Variants in GRK5 observed in about 807,000 individuals in gnomAD.
GRK5 encodes the protein g protein-coupled receptor kinase GRK5.
Under a neutral mutation model 78.4 loss-of-function variants are expected in GRK5, and 40 were observed. The observed-to-expected ratio is 0.51, with a 90% CI of 0.40 to 0.66. GRK5 has a LOEUF of 0.66. GRK5 is among the 30% of genes least tolerant of loss of function. The pLI is 0.00. For synonymous variants in GRK5, 289 were observed against 296.8 expected (o/e 0.97, Z 0.27); for missense variants, 598 against 759.9 (o/e 0.79, Z 2.50).
At chr10:119,381,776 C>CCG (rs1402876151) in intron 3 of GRK5, among the ~76,000 whole-genome samples, 1 of 152,252 alleles carries the variant, frequency 6.6e-6, no homozygotes, top group Middle Eastern at 3.4e-3. Flanking sequence ...GGTGCAGGGG[C>CCG]CGAGAGGCTG....
chr10:119,450,006 T>C (rs1395328276), intron 13 of GRK5, among the ~76,000 whole-genome samples: 3 of 152,212 alleles, frequency 2.0e-5, no homozygotes, highest in Admixed American at 2.0e-4. Context: ...CAGCTGATTC[T>C]AGCGTAGAGC....
chr10:119,404,505 T>C (rs1430017581), intron 4 of GRK5, among the ~76,000 whole-genome samples: 2 of 152,264 alleles, frequency 1.3e-5, no homozygotes, highest in East Asian at 3.8e-4. Flanking sequence ...TCACAAAGGT[T>C]TTTCGTTTTG....
chr10:119,455,642 G>A lies in GRK5; in HGVS notation c.*575G>A. 2 of 265,594 alleles carry A rather than the reference G, an allele frequency of 7.5e-6. No homozygotes were observed. Among genetic ancestry groups the A allele is most frequent in the Non-Finnish European group, 1.4e-5 (2 of 138,728 alleles). 16.5% of individuals were successfully genotyped at this position (265,594 alleles called of 1,614,324 possible). On this transcript the variant is annotated 3_prime_UTR_variant, in exon 16 of 16. Transcript: ENST00000392870. ...ATACTTCACCTTTGAAGGATTGGTT[G>A]TATTTACCCACATCTATCTCTGGAG...
chr10:119,419,335 A>G (rs2133879815), intron 4 of GRK5, among the ~76,000 whole-genome samples: 1 of 152,326 alleles, frequency 6.6e-6, no homozygotes, highest in East Asian at 1.9e-4. Flanking sequence ...TTTGTAAGTG[A>G]CTTCCAGGGA....
intron 6 of GRK5, among the ~76,000 whole-genome samples, chr10:119,428,872 G>A (rs1852756649): frequency 6.6e-6 from 1 of 152,168 alleles, no homozygotes; most frequent in Non-Finnish European, 1.5e-5. Flanking sequence ...TCCTCCCAAG[G>A]TTAACCAAGA....
chr10:119,378,323 G>A lies in GRK5; in HGVS notation c.149-2492G>A, dbSNP rs1293637114. On this transcript the variant is annotated intron_variant, in intron 2 of 15. Coordinates refer to ENST00000392870, the MANE Select transcript of GRK5 (RefSeq NM_005308.3). The surrounding 1 kb of genome is among the most constrained non-coding windows in gnomAD (Gnocchi z 4.5). ...CCCACGGCTGAAGGGCAGAGTTTAG[G>A]CTGCAGTCCAGGGCTAGTTGGAGCC... Among the ~76,000 whole-genome samples, 1 of 152,212 alleles carries A rather than the reference G, an allele frequency of 6.6e-6. No homozygotes were observed. The highest frequency in any genetic ancestry group is 1.5e-5 in the Non-Finnish European group (1 of 68,048).
intron 2 of GRK5, 77 bp downstream of exon 2, chr10:119,326,688 A>G: frequency 9.2e-7 from 1 of 1,092,648 alleles, no homozygotes; most frequent in South Asian, 1.3e-5. Flanking sequence ...ATTAAGGCAA[A>G]TGGGTGAGCC....
At position 119,452,632 on chromosome 10, in the gene GRK5, G is replaced by A. The variant is rs753827817; in HGVS notation, c.1405-39G>A. 6.2e-7 allele frequency: 1 copy of A among 1,612,064 alleles called. No homozygotes were observed. Among genetic ancestry groups the A allele is most frequent in the East Asian group, 2.2e-5 (1 of 44,862 alleles). ...CTGGCTCGGGGCCACTGGAGCCGCAGGCGGGACATATGTGTGACCGGCCCT... is the reference window on the plus strand; with the variant it reads ...CTGGCTCGGGGCCACTGGAGCCGCAAGCGGGACATATGTGTGACCGGCCCT... On this transcript the variant is annotated intron_variant, in intron 13 of 15. Coordinates refer to ENST00000392870, the MANE Select transcript of GRK5 (RefSeq NM_005308.3). The surrounding 1 kb of genome is among the most constrained non-coding windows in gnomAD (Gnocchi z 4.4).
intron 1 of GRK5, among the ~76,000 whole-genome samples, chr10:119,229,055 C>A (rs1015522534): frequency 2.6e-5 from 4 of 152,132 alleles, no homozygotes; most frequent in Non-Finnish European, 5.9e-5. Context: ...TGTTTTGACT[C>A]CGCTAGATGA....
At position 119,410,765 on chromosome 10, in the gene GRK5, A is replaced by G. The variant is rs149589885; in HGVS notation, c.340-12401A>G. Among the ~76,000 whole-genome samples, 513 of 151,892 alleles carry G rather than the reference A, an allele frequency of 3.4e-3. 4 individuals are homozygous for G. The highest frequency in any genetic ancestry group is 0.012 in the African/African-American group (490 of 41,428). ...TCTTGGAAGAGTTCCTAGCGCACAA[A>G]TGGCATGAGCTGGAGGATAGAAGGG... On this transcript the variant is annotated intron_variant, in intron 4 of 15. Transcript: ENST00000392870.
intron 1 of GRK5, among the ~76,000 whole-genome samples, chr10:119,220,047 C>T (rs897125906): frequency 6.6e-6 from 1 of 152,178 alleles, no homozygotes; most frequent in Non-Finnish European, 1.5e-5. Flanking sequence ...TGCCTTTCTG[C>T]TCATGGGCAG....
intron 2 of GRK5, chr10:119,333,764 C>A (rs149073110): frequency 1.9e-6 from 1 of 532,604 alleles, no homozygotes; most frequent in Non-Finnish European, 3.8e-6. Context: ...ATGCTGTCCA[C>A]GGGGGAGCTG....
At chr10:119,261,574 C>A (rs574630136) in intron 1 of GRK5, among the ~76,000 whole-genome samples, 2,468 of 152,256 alleles carry the variant, frequency 0.016, 29 homozygotes, top group Middle Eastern at 0.034. Flanking sequence ...TTGTAGCGAG[C>A]CGAGATCACG....
chr10:119,295,784 T>C (rs1371249867), intron 1 of GRK5, among the ~76,000 whole-genome samples: 1 of 150,948 alleles, frequency 6.6e-6, no homozygotes, highest in East Asian at 1.9e-4. Flanking sequence ...AATGATACGA[T>C]GGACTTCAGG....
chr10:119,316,131 T>G (rs903091233), intron 1 of GRK5, among the ~76,000 whole-genome samples: 2 of 152,194 alleles, frequency 1.3e-5, no homozygotes, highest in Admixed American at 6.5e-5. Flanking sequence ...TACGTCTGGT[T>G]GTGCCTGGCC....
At chr10:119,435,811 T>C (rs567776487) in intron 8 of GRK5, among the ~76,000 whole-genome samples, 36 of 152,336 alleles carry the variant, frequency 2.4e-4, no homozygotes, top group Non-Finnish European at 4.9e-4. Flanking sequence ...TTAGTCCGTT[T>C]TCACACTGCT....
intron 1 of GRK5, among the ~76,000 whole-genome samples, chr10:119,298,928 C>A (rs1589729699): frequency 6.6e-6 from 1 of 152,318 alleles, no homozygotes; most frequent in East Asian, 1.9e-4. Context: ...TCCCTGCAGA[C>A]TTTCCCCATG....
At chr10:119,259,128 T>G (rs55947608) in intron 1 of GRK5, among the ~76,000 whole-genome samples, 13,349 of 149,750 alleles carry the variant, frequency 0.089, 690 homozygotes, top group Middle Eastern at 0.16. Context: ...GCAGTGGTGC[T>G]ATCTCGGCTC....
At chr10:119,420,959 T>C (rs1249605146) in intron 4 of GRK5, among the ~76,000 whole-genome samples, 1 of 152,168 alleles carries the variant, frequency 6.6e-6, no homozygotes, top group Non-Finnish European at 1.5e-5. Flanking sequence ...GGGTCCTTCC[T>C]AGGTGGAAAC....
Sources: allele counts gnomAD v4.1 joint callset (sites outside exome capture counted in the v4.1 genomes callset), GRCh38; gene constraint gnomAD v4.1.1; non-coding constraint Gnocchi (gnomAD v3.1); transcripts MANE v1.5; gene names NCBI Gene and HGNC (gene_info 2026-07-23, HGNC 2026-07-21).